OCA2: variants seen among roughly 807,000 people sequenced by gnomAD.
The protein encoded by OCA2 is OCA2 melanosomal transmembrane protein.
In OCA2, 77 loss-of-function variants were observed where a neutral mutation model predicts 100.2. That is an observed-to-expected ratio of 0.77 (90% confidence interval 0.64 to 0.93). The LOEUF (loss-of-function observed/expected upper bound fraction) is 0.93, where lower values mean the gene tolerates loss of function less well. OCA2 is among the 40% of genes least tolerant of loss of function. OCA2 has a pLI of 0.00. For synonymous variants in OCA2, 432 were observed against 439.2 expected (o/e 0.98, Z 0.21); for missense variants, 1,062 against 1,089.1 (o/e 0.98, Z 0.35).
At chr15:27,930,297 A>G (rs528790298) in intron 18 of OCA2, among the ~76,000 whole-genome samples, 111 of 152,324 alleles carry the variant, frequency 7.3e-4, no homozygotes, top group Non-Finnish European at 1.3e-3. Context: ...AAACCATGGA[A>G]TACTACTCAG....
intron 2 of OCA2, among the ~76,000 whole-genome samples, chr15:28,058,416 T>C (rs1167206943): frequency 6.6e-6 from 1 of 152,160 alleles, no homozygotes; most frequent in African/African-American, 2.4e-5. Flanking sequence ...CATCTGCCTC[T>C]AGCAGGGAAG....
At chr15:27,778,328 C>T (rs1266242548) in intron 23 of OCA2, among the ~76,000 whole-genome samples, 2 of 152,110 alleles carry the variant, frequency 1.3e-5, no homozygotes, top group East Asian at 1.9e-4. Flanking sequence ...GTTTCTAAAA[C>T]GAGCTCATAC....
At chr15:27,836,315 T>C (rs774113463) in intron 23 of OCA2, among the ~76,000 whole-genome samples, 2 of 152,232 alleles carry the variant, frequency 1.3e-5, no homozygotes, top group East Asian at 3.8e-4. Context: ...CAGCCTGCTT[T>C]GAGAAGCCTA....
At chr15:27,838,018 G>A (rs981312408) in intron 23 of OCA2, among the ~76,000 whole-genome samples, 6 of 152,102 alleles carry the variant, frequency 3.9e-5, no homozygotes, top group Admixed American at 2.6e-4. Context: ...GTACATAGCC[G>A]AAAGCTGACT....
chr15:28,002,475 G>A (rs2041957597), intron 9 of OCA2, among the ~76,000 whole-genome samples: 1 of 152,196 alleles, frequency 6.6e-6, no homozygotes. Flanking sequence ...CCACTCGGAG[G>A]CTGTGGCCAC....
intron 6 of OCA2, 68 bp from the exon 7 acceptor site, chr15:28,018,625 C>T (rs909158069): frequency 9.8e-6 from 14 of 1,429,186 alleles, no homozygotes; most frequent in African/African-American, 2.8e-5. Context: ...GCCCGCCAGA[C>T]GCACACCCTC....
chr15:27,924,325 A>G (rs1364763269), intron 19 of OCA2, among the ~76,000 whole-genome samples: 1 of 152,218 alleles, frequency 6.6e-6, no homozygotes, highest in African/African-American at 2.4e-5. Flanking sequence ...CCATACATTT[A>G]TTGAAAAAGA....
rs2030237869 is a variant in OCA2, at chr15:27,755,148, T to C, written c.*240A>G. ...TTTCTGGAGGGGAATCTTGAGTAAG[T>C]TATCTCACATCTTTCTACATTTTGT... On this transcript the variant is annotated 3_prime_UTR_variant, in exon 24 of 24. Transcript: ENST00000354638. 1 of 486,658 alleles carries C rather than the reference T, an allele frequency of 2.1e-6. No homozygotes were observed. Among genetic ancestry groups the C allele is most frequent in the South Asian group, 2.1e-5 (1 of 48,690 alleles). The allele number at this position is 486,658 out of a possible 1,614,324, so 30.1% of individuals were successfully genotyped here.
intron 22 of OCA2, among the ~76,000 whole-genome samples, chr15:27,846,638 G>T (rs547698257): frequency 6.6e-6 from 1 of 152,316 alleles, no homozygotes; most frequent in African/African-American, 2.4e-5. Context: ...TGCTGTGGGC[G>T]TGGATTCCTG....
chr15:27,858,399 A>T (rs1046635836), intron 21 of OCA2, among the ~76,000 whole-genome samples: 3 of 152,016 alleles, frequency 2.0e-5, no homozygotes, highest in Non-Finnish European at 2.9e-5. Context: ...AAAAAAAAAA[A>T]AAAAAACAGA....
intron 6 of OCA2, 52 bp downstream of exon 6, chr15:28,022,449 T>A (rs1244326653): frequency 1.6e-6 from 2 of 1,285,652 alleles, no homozygotes; most frequent in Non-Finnish European, 2.3e-6. Context: ...TGTCTCCTTG[T>A]GTTTCAGATC....
At chr15:27,978,614 T>C (rs1175914908) in intron 14 of OCA2, among the ~76,000 whole-genome samples, 1 of 152,208 alleles carries the variant, frequency 6.6e-6, no homozygotes, top group African/African-American at 2.4e-5. Context: ...CTGATGAATC[T>C]TTTGCCATTC....
intron 11 of OCA2, among the ~76,000 whole-genome samples, chr15:27,988,953 G>A (rs776295958): frequency 6.6e-6 from 1 of 152,164 alleles, no homozygotes; most frequent in African/African-American, 2.4e-5. Context: ...AGGATCTATC[G>A]TGCCCAGCTG....
At chr15:28,071,188 A>AATG (rs1555389501) in intron 2 of OCA2, among the ~76,000 whole-genome samples, 1 of 149,074 alleles carries the variant, frequency 6.7e-6, no homozygotes, top group Non-Finnish European at 1.5e-5. Context: ...AAAAAAAAGA[A>AATG]AAACACCTAG....
chr15:27,999,051 G>C (rs979105017), intron 9 of OCA2, among the ~76,000 whole-genome samples: 19 of 152,042 alleles, frequency 1.2e-4, no homozygotes, highest in Admixed American at 3.3e-4. Flanking sequence ...GACTGTTGTG[G>C]GGTGGGGAGA....
At chr15:28,091,325 G>A (rs1228877790) in intron 1 of OCA2, among the ~76,000 whole-genome samples, 1 of 152,088 alleles carries the variant, frequency 6.6e-6, no homozygotes, top group Non-Finnish European at 1.5e-5. Context: ...GTTTTATGAA[G>A]ACAATATTAC....
intron 2 of OCA2, among the ~76,000 whole-genome samples, chr15:28,039,001 T>C (rs1288007452): frequency 6.6e-6 from 1 of 152,178 alleles, no homozygotes; most frequent in Non-Finnish European, 1.5e-5. Context: ...TCAATGCTAG[T>C]AGTAACCAAA....
At chr15:28,036,878 C>T (rs2043059640) in intron 2 of OCA2, among the ~76,000 whole-genome samples, 1 of 152,066 alleles carries the variant, frequency 6.6e-6, no homozygotes, top group South Asian at 2.1e-4. Context: ...TTTCTTAGGC[C>T]CTGTGCCACA....
intron 23 of OCA2, among the ~76,000 whole-genome samples, chr15:27,815,275 G>C (rs758080773): frequency 2.7e-4 from 41 of 152,208 alleles, no homozygotes; most frequent in Non-Finnish European, 5.1e-4. Flanking sequence ...GTGTTGCACA[G>C]TCAGGAACAG....
Sources: gnomAD v4.1 joint callset for allele counts (sites outside exome capture counted in the v4.1 genomes callset) on GRCh38, gnomAD v4.1.1 for gene constraint, MANE v1.5 for transcripts, NCBI Gene and HGNC (gene_info 2026-07-23, HGNC 2026-07-21) for gene names.